UNC13B: variants seen among roughly 807,000 people sequenced by gnomAD.
The protein encoded by UNC13B is protein unc-13 homolog B.
UNC13B carries 144 observed loss-of-function variants against 211.0 expected under a neutral mutation model. The ratio of observed to expected loss-of-function variants is 0.68; its 90% CI spans 0.60 to 0.78. The LOEUF (loss-of-function observed/expected upper bound fraction) is 0.78. UNC13B is among the 30% of genes least tolerant of loss of function. The probability of loss-of-function intolerance (pLI) is 0.00; values close to 1 mark genes in which losing one functional copy is unlikely to be tolerated. For synonymous variants in UNC13B, 709 were observed against 725.8 expected, an observed-to-expected ratio of 0.98 and a Z score of 0.37; for missense variants, 1,777 against 2,002.0, an observed-to-expected ratio of 0.89 and a Z score of 2.14.
chr9:35,316,619 G>A (rs1415665810), intron 11 of UNC13B, among the ~76,000 whole-genome samples: 2 of 152,052 alleles, frequency 1.3e-5, no homozygotes, highest in Non-Finnish European at 2.9e-5. Context: ...TTCTAATGAA[G>A]ATTTTCAATG....
At chr9:35,253,925 C>T (rs1190720013) in intron 6 of UNC13B, among the ~76,000 whole-genome samples, 1 of 152,148 alleles carries the variant, frequency 6.6e-6, no homozygotes, top group Non-Finnish European at 1.5e-5. Flanking sequence ...TACCCTTTTC[C>T]TGTTTCACTG....
intron 5 of UNC13B, among the ~76,000 whole-genome samples, chr9:35,239,247 T>C (rs1825680495): frequency 6.6e-6 from 1 of 152,068 alleles, no homozygotes; most frequent in Admixed American, 6.6e-5. Flanking sequence ...TTCCTAAGTG[T>C]TGGCCGGTCT....
chr9:35,164,662 C>T (rs1820941134), intron 1 of UNC13B, among the ~76,000 whole-genome samples: 1 of 152,234 alleles, frequency 6.6e-6, no homozygotes, highest in African/African-American at 2.4e-5. Flanking sequence ...GCAGACTTTG[C>T]TCTAGCACTA....
In UNC13B at chr9:35,302,042, G is replaced by A. The variant is rs573948694; in HGVS notation, c.2638G>A (p.Glu880Lys). The stretch of plus-strand genomic sequence containing the variant: ...TTCTGAAAAGCAACAGGAGTTAAAA[G>A]AGAAAGGAAGCATTTTTCCTTTGTT... ...GHSEKQQELK[E>K]KGSIFPLFKF... Residue 880 changes from glutamate (E) to lysine (K), a missense_variant, in exon 9 of 40, where the codon GAG becomes AAG. Physicochemically the swap from Glu to Lys is moderately conservative, Grantham distance 56. Transcript: ENST00000635942. 1.3e-5 allele frequency: 5 copies of A among 398,724 alleles called. No individual in the cohort carries two copies. In the East Asian group the frequency reaches 1.4e-4, roughly 11 times the overall value. The allele number at this position is 398,724 out of a possible 1,614,324, so 24.7% of individuals were successfully genotyped here. A position where few individuals can be genotyped will look rare whatever the true frequency, so the allele number is the denominator to read the frequency against.
chr9:35,362,292 G>A (rs1833469840), intron 11 of UNC13B, among the ~76,000 whole-genome samples: 1 of 152,230 alleles, frequency 6.6e-6, no homozygotes, highest in African/African-American at 2.4e-5. Flanking sequence ...CTGGGGACAG[G>A]AGGAGACGTT....
Position 35,295,938 on chromosome 9 carries a change from T to C in UNC13B, c.761+8T>C. 1 of 1,591,238 alleles carries C rather than the reference T, an allele frequency of 6.3e-7. No individual in the cohort carries two copies. Among genetic ancestry groups the C allele is most frequent in the Non-Finnish European group, 8.6e-7 (1 of 1,167,830 alleles). On this transcript the variant is annotated splice_region_variant and intron_variant, in intron 8 of 39. Transcript: ENST00000635942. Reference sequence around the variant, plus strand: ...AGAGCGGCGGGCTATCAGGTGGGTATTGAGCACAAAGTACTTTCTCTTCCT... The same window carrying C: ...AGAGCGGCGGGCTATCAGGTGGGTACTGAGCACAAAGTACTTTCTCTTCCT...
At chr9:35,228,556 C>A (rs923548270) in intron 2 of UNC13B, among the ~76,000 whole-genome samples, 1 of 151,798 alleles carries the variant, frequency 6.6e-6, no homozygotes, top group Non-Finnish European at 1.5e-5. Flanking sequence ...TCATGTCTTG[C>A]AGTTCATGAA....
chr9:35,192,932 C>T (rs894579459), intron 1 of UNC13B, among the ~76,000 whole-genome samples: 10 of 152,114 alleles, frequency 6.6e-5, no homozygotes, highest in African/African-American at 2.2e-4. Context: ...ACAGTGGGGA[C>T]GTCCCTCCTG....
At chr9:35,313,786 T>C in intron 10 of UNC13B, 113 bp from the exon 11 acceptor site, 1 of 770,770 alleles carries the variant, frequency 1.3e-6, no homozygotes, top group Non-Finnish European at 2.3e-6. Flanking sequence ...ACTAAATAAG[T>C]GTAGGCATGA....
intron 16 of UNC13B, among the ~76,000 whole-genome samples, chr9:35,377,953 T>A (rs781277256): frequency 2.0e-5 from 3 of 151,538 alleles, no homozygotes; most frequent in Non-Finnish European, 2.9e-5. Context: ...TGGCTAACAG[T>A]TTGATATTAT....
At chr9:35,360,718 C>G (rs1286498063) in intron 11 of UNC13B, 1 of 152,174 alleles carries the variant, frequency 6.6e-6, no homozygotes, top group Non-Finnish European at 1.5e-5. Flanking sequence ...GTGGAGTGAT[C>G]AGAGCTCACT....
At chr9:35,324,113 A>G (rs149144193) in intron 11 of UNC13B, among the ~76,000 whole-genome samples, 2 of 152,158 alleles carry the variant, frequency 1.3e-5, no homozygotes, top group Admixed American at 6.5e-5. Flanking sequence ...AAAGATAGAA[A>G]CTTGTTCAGG....
chr9:35,167,405 T>C (rs1191988276), intron 1 of UNC13B, among the ~76,000 whole-genome samples: 1 of 152,174 alleles, frequency 6.6e-6, no homozygotes, highest in Admixed American at 6.5e-5. Flanking sequence ...AGATAATTCT[T>C]CTTCCACTGT....
chr9:35,344,472 A>G (rs1171487486), intron 11 of UNC13B, among the ~76,000 whole-genome samples: 1 of 152,190 alleles, frequency 6.6e-6, no homozygotes, highest in Non-Finnish European at 1.5e-5. Context: ...TCTGCCATCA[A>G]TTCATTTATG....
chr9:35,381,751 T>C (rs773239128), intron 20 of UNC13B, 32 bp downstream of exon 20: 1 of 1,606,702 alleles, frequency 6.2e-7, no homozygotes, highest in South Asian at 1.1e-5. Context: ...GGGAAGTGGC[T>C]ACTAATCACT....
chr9:35,243,252 A>T, intron 5 of UNC13B, 39 bp from the exon 6 acceptor site: 1 of 1,590,118 alleles, frequency 6.3e-7, no homozygotes, highest in Non-Finnish European at 8.6e-7. Flanking sequence ...TTACCTGCTG[A>T]TGTGATTTCT....
intron 8 of UNC13B, among the ~76,000 whole-genome samples, chr9:35,299,338 T>A (rs1206017443): frequency 6.6e-6 from 1 of 152,232 alleles, no homozygotes; most frequent in Admixed American, 6.5e-5. Context: ...TTTTTTCTTA[T>A]TAAAAGAAAT....
At position 35,403,555 on chromosome 9, in the gene UNC13B, C is replaced by G; in HGVS notation, c.12693C>G (p.Ser4231=). 1 of 1,606,996 alleles carries G rather than the reference C, an allele frequency of 6.2e-7. No homozygotes were observed. The highest frequency in any genetic ancestry group is 8.5e-7 in the Non-Finnish European group (1 of 1,177,478). The change falls in exon 39 of 40, where the codon TCC becomes TCG. Residue 4231 remains serine (S), a synonymous_variant. Coordinates refer to ENST00000635942, the MANE Select transcript of UNC13B (RefSeq NM_001371189.2). ...SDKKRKFTTK[S]KSNNWAPKYN... is the part of the protein sequence containing the mutation. ...AGAAGAGGAAGTTCACAACCAAATC[C>G]AAAAGCAACAACTGGGCCCCCAAGT...
rs760741456 is a variant in UNC13B, at chr9:35,237,805, A to G, written c.373A>G (p.Thr125Ala). 1.9e-6 allele frequency: 3 copies of G among 1,613,184 alleles called. No homozygotes were observed. The highest frequency in any genetic ancestry group is 2.5e-6 in the Non-Finnish European group (3 of 1,179,796). ...AACTCCTCATAAAATTTTGCTTGAT[A>G]CAAGATTTGAGTTGCCTTTTGGTGA... is the stretch of plus-strand genomic sequence containing the variant. ...NPTPHKILLDTRFELPFDIPE... is the reference protein window; with the variant it reads ...NPTPHKILLDARFELPFDIPE... Residue 125 changes from threonine (T) to alanine (A), a missense_variant, in exon 5 of 40, where the codon ACA (threonine) becomes GCA (alanine). Physicochemically the swap from Thr to Ala is moderately conservative, Grantham distance 58. Coordinates refer to ENST00000635942, the MANE Select transcript of UNC13B (RefSeq NM_001371189.2).
Sources: allele counts gnomAD v4.1 joint callset (sites outside exome capture counted in the v4.1 genomes callset), GRCh38; gene constraint gnomAD v4.1.1; transcripts MANE v1.5; gene names NCBI Gene and HGNC (gene_info 2026-07-23, HGNC 2026-07-21).